Variants in ANKRD42 observed in about 807,000 individuals in gnomAD.
ANKRD42 encodes the protein ankyrin repeat domain 42, also known as ankyrin repeat domain-containing protein 42.
ANKRD42 carries 43 observed loss-of-function variants against 51.5 expected under a neutral mutation model. That is an observed-to-expected ratio of 0.83 (90% CI 0.65 to 1.08). The LOEUF (loss-of-function observed/expected upper bound fraction) is 1.08. Ranked by LOEUF, ANKRD42 falls within the 50% of genes least tolerant of loss-of-function variation. The pLI is 0.00. For missense variants in ANKRD42, 608 were observed against 629.3 expected, an observed-to-expected ratio of 0.97 and a Z score of 0.36; for synonymous variants, 203 against 213.0, an observed-to-expected ratio of 0.95 and a Z score of 0.41.
chr11:83,206,127 C>A lies in ANKRD42; in HGVS notation c.292C>A (p.His98Asn). 2 of 1,614,018 alleles carry A rather than the reference C, an allele frequency of 1.2e-6. No individual in the cohort carries two copies. Among genetic ancestry groups the A allele is most frequent in the Non-Finnish European group, 1.7e-6 (2 of 1,179,908 alleles). The stretch of plus-strand genomic sequence containing the variant: ...AACAACGAGAGGTTGGACAGCATCT[C>A]ACATAGCTGCAATCAGGGGTCAGGA... ...HVTTRGWTAS[H>N]IAAIRGQDAC... Residue 98 changes from histidine (H) to asparagine (N), a missense_variant, in exon 3 of 11, where the codon CAC becomes AAC. Coordinates refer to ENST00000533342, the MANE Select transcript of ANKRD42 (RefSeq NM_001300975.2).
rs1861753545 is a variant in ANKRD42 at position 83,198,645 on chromosome 11, A to G, written c.222+3A>G. The G allele has an allele frequency of 4.4e-6, 7 of 1,576,926 alleles. No homozygotes were observed. The highest frequency in any genetic ancestry group is 1.8e-5 in the Admixed American group (1 of 54,294). On this transcript the variant is annotated splice_donor_region_variant and intron_variant, in intron 2 of 10. Coordinates refer to ENST00000533342, the MANE Select transcript of ANKRD42 (RefSeq NM_001300975.2). The stretch of plus-strand genomic sequence containing the variant: ...CAGCACATTCTGGAAGTTTGGAGGT[A>G]AGAAACTATACATATCACTAAACTG...
chr11:83,219,035 G>A (rs1461733322), intron 5 of ANKRD42, among the ~76,000 whole-genome samples: 5 of 152,272 alleles, frequency 3.3e-5, no homozygotes, highest in African/African-American at 1.2e-4. Flanking sequence ...GGTCAAATTT[G>A]TCCCAGTAAT....
chr11:83,205,314 ATATTT>A (rs1161830119), intron 2 of ANKRD42, among the ~76,000 whole-genome samples: 3 of 152,178 alleles, frequency 2.0e-5, no homozygotes, highest in African/African-American at 4.8e-5. Context: ...AGGTTTTTTA[ATATTT>A]TATTGTCATT....
intron 6 of ANKRD42, among the ~76,000 whole-genome samples, chr11:83,226,949 A>G (rs1265651577): frequency 6.6e-6 from 1 of 152,190 alleles, no homozygotes; most frequent in African/African-American, 2.4e-5. Flanking sequence ...ACCATTTTAT[A>G]TAAGGGACTT....
In ANKRD42 at chr11:83,236,521, T is replaced by G; in HGVS notation, c.1019+12T>G. 3.8e-5 allele frequency: 59 copies of G among 1,572,344 alleles called. No individual in the cohort carries two copies. Among genetic ancestry groups the G allele is most frequent in the East Asian group, 4.5e-5 (2 of 44,634 alleles). On this transcript the variant is annotated intron_variant, in intron 8 of 10. Coordinates refer to ENST00000533342, the MANE Select transcript of ANKRD42 (RefSeq NM_001300975.2). ...GATGTGGCAAAGAGGTATAAATCTC[T>G]GTCTTCTTTACTCCTTTCTTTTCTC...
intron 9 of ANKRD42, among the ~76,000 whole-genome samples, chr11:83,242,569 T>TTTTTTTTTGTTTG (rs1863423414): frequency 1.4e-5 from 1 of 73,324 alleles, no homozygotes; most frequent in South Asian, 3.9e-4. Flanking sequence ...GTAGTTAAGT[T>TTTTTTTTTGTTTG]TTTTTTTTTT....
downstream of ANKRD42, among the ~76,000 whole-genome samples, chr11:83,256,815 C>CA (rs200752529): frequency 4.4e-3 from 673 of 152,046 alleles, 8 homozygotes; most frequent in African/African-American, 0.015. Flanking sequence ...ACCAGTTCAG[C>CA]AGGTTAAGGG....
At chr11:83,242,046 C>T (rs1202566717) in intron 9 of ANKRD42, among the ~76,000 whole-genome samples, 3 of 152,166 alleles carry the variant, frequency 2.0e-5, no homozygotes, top group East Asian at 1.9e-4. Flanking sequence ...CTGATGTAGG[C>T]CTGTAACTAC....
chr11:83,234,668 T>A (rs1262859204), intron 7 of ANKRD42, among the ~76,000 whole-genome samples: 10 of 152,350 alleles, frequency 6.6e-5, no homozygotes, highest in Middle Eastern at 3.4e-3. Flanking sequence ...AAATTCAGCA[T>A]TATCCATGCT....
chr11:83,227,627 A>G, intron 6 of ANKRD42, 120 bp from the exon 7 acceptor site: 2 of 1,003,936 alleles, frequency 2.0e-6, no homozygotes, highest in Non-Finnish European at 2.9e-6. Context: ...AACTGAACTC[A>G]TCCGATTACA....
At chr11:83,243,967 CTTTTTTTTTTTT>C (rs66756456) in intron 9 of ANKRD42, among the ~76,000 whole-genome samples, 2 of 66,950 alleles carry the variant, frequency 3.0e-5, no homozygotes, top group Non-Finnish European at 5.1e-5. Flanking sequence ...CCTGGCTGCC[CTTTTTTTTTTTT>C]TTTTTTTTTT....
chr11:83,199,341 C>T (rs1209849648), intron 2 of ANKRD42, among the ~76,000 whole-genome samples: 1 of 152,002 alleles, frequency 6.6e-6, no homozygotes, highest in Non-Finnish European at 1.5e-5. Context: ...ATGATTATAT[C>T]ATTATTTTGA....
At chr11:83,214,933 A>G (rs1862472354) in intron 5 of ANKRD42, 1 of 152,150 alleles carries the variant, frequency 6.6e-6, no homozygotes, top group Non-Finnish European at 1.5e-5. Context: ...CTCTATCTTC[A>G]TGAGACCAGC....
chr11:83,193,770 G>A lies in ANKRD42; in HGVS notation c.-901G>A, dbSNP rs1407836022. ...CCAGCCAAGTGGCTGGAGTCGGGAG[G>A]CTGGAAAGAGACTCCGAGAAAGTAC... is the stretch of plus-strand genomic sequence containing the variant. On this transcript the variant is annotated 5_prime_UTR_variant, in exon 1 of 11. Transcript: ENST00000533342. 10 of 446,114 alleles carry A rather than the reference G, an allele frequency of 2.2e-5. No individual in the cohort carries two copies. The highest frequency in any genetic ancestry group is 5.0e-5 in the Admixed American group (2 of 39,780). The allele number at this position is 446,114 out of a possible 1,614,324, so 27.6% of individuals were successfully genotyped here.
At chr11:83,225,817 T>C (rs934914627) in intron 6 of ANKRD42, among the ~76,000 whole-genome samples, 9 of 146,012 alleles carry the variant, frequency 6.2e-5, no homozygotes, top group South Asian at 2.2e-4. Context: ...GAATAAAATA[T>C]AGAGTTGAAG....
chr11:83,255,309 G>C (rs755358711), intron 11 of ANKRD42, among the ~76,000 whole-genome samples: 13 of 152,308 alleles, frequency 8.5e-5, no homozygotes, highest in Non-Finnish European at 1.5e-4. Flanking sequence ...AGAATACCAA[G>C]ATGGATAAGA....
intron 7 of ANKRD42, among the ~76,000 whole-genome samples, 165 bp downstream of exon 7, chr11:83,228,037 C>G (rs1862945157): frequency 6.6e-6 from 1 of 152,000 alleles, no homozygotes; most frequent in Non-Finnish European, 1.5e-5. Context: ...ATTTTCAATT[C>G]AAGTGTAATG....
chr11:83,211,492 T>C (rs1306709616), intron 5 of ANKRD42, 62 bp downstream of exon 5: 3 of 1,565,628 alleles, frequency 1.9e-6, no homozygotes, highest in East Asian at 2.3e-5. Flanking sequence ...ATGTTTGATC[T>C]TGTTTAAGAA....
intron 7 of ANKRD42, among the ~76,000 whole-genome samples, chr11:83,235,750 G>T (rs1345676030): frequency 6.6e-6 from 1 of 152,232 alleles, no homozygotes; most frequent in Non-Finnish European, 1.5e-5. Flanking sequence ...TGAGCACATT[G>T]TTGAGTGATT....
Sources: allele counts gnomAD v4.1 joint callset (sites outside exome capture counted in the v4.1 genomes callset), GRCh38; gene constraint gnomAD v4.1.1; transcripts MANE v1.5; gene names NCBI Gene and HGNC (gene_info 2026-07-23, HGNC 2026-07-21).